Variants in SORCS2 observed in about 807,000 individuals in gnomAD.
SORCS2 encodes VPS10 domain-containing receptor SorCS2.
Under a neutral mutation model 141.6 loss-of-function variants are expected in SORCS2, and 100 were observed. That is an observed-to-expected ratio of 0.71 (90% CI 0.60 to 0.83). The LOEUF (loss-of-function observed/expected upper bound fraction) is 0.83, where lower values mean the gene tolerates loss of function less well. Ranked by LOEUF, SORCS2 falls within the 40% of genes least tolerant of loss-of-function variation. The pLI is 0.00. For missense variants in SORCS2, 1,646 were observed against 1,560.2 expected, an observed-to-expected ratio of 1.05 and a Z score of -0.93; for synonymous variants, 789 against 676.9, an observed-to-expected ratio of 1.17 and a Z score of -2.57.
chr4:7,415,010 T>G (rs1725567911), intron 2 of SORCS2, among the ~76,000 whole-genome samples: 1 of 152,098 alleles, frequency 6.6e-6, no homozygotes, highest in Non-Finnish European at 1.5e-5. Context: ...GAGAGTCTTA[T>G]TTACATGAGA....
chr4:7,468,631 A>G (rs76671532), intron 2 of SORCS2, among the ~76,000 whole-genome samples: 3,569 of 152,304 alleles, frequency 0.023, 68 homozygotes, highest in Non-Finnish European at 0.031. Flanking sequence ...GTGCAACAGC[A>G]AGGCCTGGCA....
rs547206085 is a variant in SORCS2 at position 7,357,533 on chromosome 4, C to T, written c.481-38755C>T. ...GGAGGCGTTGATTACGCACTTCACGCGGAAATAATTGCTAATCTTCAACAG... is the reference window on the plus strand; with the variant it reads ...GGAGGCGTTGATTACGCACTTCACGTGGAAATAATTGCTAATCTTCAACAG... On this transcript the variant is annotated intron_variant, in intron 1 of 26. Transcript: ENST00000507866. 4.6e-5 allele frequency among the ~76,000 whole-genome samples: 7 copies of T among 152,292 alleles called. No homozygotes were observed. The South Asian group carries it at 6.2e-4, about 14-fold the overall frequency.
At chr4:7,626,124 G>A (rs1239000775) in intron 3 of SORCS2, among the ~76,000 whole-genome samples, 1 of 152,024 alleles carries the variant, frequency 6.6e-6, no homozygotes. Flanking sequence ...TCCAGCCTGG[G>A]TGACAGGGCA....
At chr4:7,660,859 A>G (rs1722117390) in intron 5 of SORCS2, among the ~76,000 whole-genome samples, 1 of 152,258 alleles carries the variant, frequency 6.6e-6, no homozygotes, top group Admixed American at 6.5e-5. Context: ...ATTCAGGCAA[A>G]TCCCTGGAGG....
At chr4:7,335,859 C>T (rs1182745038) in intron 1 of SORCS2, among the ~76,000 whole-genome samples, 1 of 152,142 alleles carries the variant, frequency 6.6e-6, no homozygotes, top group Non-Finnish European at 1.5e-5. Flanking sequence ...AGTGCGGGTG[C>T]GGGGGTGAGG....
chr4:7,448,338 T>A lies in SORCS2; in HGVS notation c.548+51983T>A, dbSNP rs142957020. Among the ~76,000 whole-genome samples, 409 of 152,084 alleles carry A rather than the reference T, an allele frequency of 2.7e-3. 5 individuals carry two copies. Among genetic ancestry groups the A allele is most frequent in the African/African-American group, 9.5e-3 (394 of 41,446 alleles). ...TGCGCCGGCCAGGCACAGAGAGAGA[T>A]GCTGGACTCTAGGTTCCTGTAGTCC... On this transcript the variant is annotated intron_variant, in intron 2 of 26. Coordinates refer to ENST00000507866, the MANE Select transcript of SORCS2 (RefSeq NM_020777.3).
intron 2 of SORCS2, among the ~76,000 whole-genome samples, chr4:7,521,143 C>T (rs1365945335): frequency 6.6e-6 from 1 of 152,068 alleles, no homozygotes. Context: ...GTGAGGTTCC[C>T]TTCACTCTGT....
rs1013884866 is a variant in SORCS2 at position 7,662,046 on chromosome 4, G to A, written c.952+482G>A. Among the ~76,000 whole-genome samples, 12 of 152,230 alleles carry A rather than the reference G, an allele frequency of 7.9e-5. No homozygotes were observed. The South Asian group carries it at 2.3e-3, about 29-fold the overall frequency. On this transcript the variant is annotated intron_variant, in intron 6 of 26. Transcript: ENST00000507866. ...GTGTCCCCATTAAAACAGAAATGCC[G>A]GCATCAGCTCCCAGCCCTGCCGCTG...
At chr4:7,734,465 C>A (rs1711993805) in intron 25 of SORCS2, 91 bp downstream of exon 25, 1 of 886,620 alleles carries the variant, frequency 1.1e-6, no homozygotes. Context: ...CTAGAAAGGG[C>A]CCCAGCAGGG....
intron 18 of SORCS2, among the ~76,000 whole-genome samples, chr4:7,718,728 G>T (rs1381352961): frequency 6.6e-6 from 1 of 152,078 alleles, no homozygotes; most frequent in Non-Finnish European, 1.5e-5. Flanking sequence ...TTTTGCTTTA[G>T]AACAAGTGTT....
chr4:7,295,260 C>A (rs1333929434), intron 1 of SORCS2, among the ~76,000 whole-genome samples: 1 of 141,230 alleles, frequency 7.1e-6, no homozygotes, highest in Non-Finnish European at 1.5e-5. Context: ...ATTATGGCCG[C>A]CCACACAATG....
At chr4:7,384,332 G>A (rs566374608) in intron 1 of SORCS2, among the ~76,000 whole-genome samples, 1 of 152,202 alleles carries the variant, frequency 6.6e-6, no homozygotes, top group Admixed American at 6.5e-5. Flanking sequence ...CTCAGCATGC[G>A]GCTCAGGACA....
rs143275859 is a variant in SORCS2 at position 7,250,961 on chromosome 4, G to C, written c.480+57835G>C. ...CCACCAGAGGCAACGAGGAATTCTG[G>C]TGAGGACGCTGGAGTGGGCATTAGG... On this transcript the variant is annotated intron_variant, in intron 1 of 26. Coordinates refer to ENST00000507866, the MANE Select transcript of SORCS2 (RefSeq NM_020777.3). 4.5e-3 allele frequency among the ~76,000 whole-genome samples: 686 copies of C among 152,378 alleles called. 7 individuals are homozygous for C. Among genetic ancestry groups the C allele is most frequent in the Non-Finnish European group, 7.1e-3 (482 of 68,036 alleles).
intron 1 of SORCS2, among the ~76,000 whole-genome samples, chr4:7,276,043 CG>C (rs1208810333): frequency 6.6e-6 from 1 of 152,268 alleles, no homozygotes; most frequent in East Asian, 1.9e-4. Context: ...TAATGCGTAA[CG>C]GGGGCAGTTT....
At chr4:7,313,474 C>T (rs755898719) in intron 1 of SORCS2, among the ~76,000 whole-genome samples, 14 of 151,986 alleles carry the variant, frequency 9.2e-5, no homozygotes, top group Non-Finnish European at 1.9e-4. Flanking sequence ...GGAGGAGGAG[C>T]GGACATGCTG....
chr4:7,556,232 C>T (rs1280811259), intron 3 of SORCS2, among the ~76,000 whole-genome samples: 1 of 152,142 alleles, frequency 6.6e-6, no homozygotes, highest in Non-Finnish European at 1.5e-5. Flanking sequence ...TTCCCGTCCT[C>T]CTTCCTGAAG....
Position 7,227,787 on chromosome 4 carries a change from G to A in SORCS2, c.480+34661G>A, listed in dbSNP as rs35395013. Among the ~76,000 whole-genome samples the A allele has an allele frequency of 8.5e-3, 1,294 of 152,304 alleles. 16 individuals carry two copies. Among genetic ancestry groups the A allele is most frequent in the African/African-American group, 0.029 (1,212 of 41,556 alleles). On this transcript the variant is annotated intron_variant, in intron 1 of 26. Coordinates refer to ENST00000507866, the MANE Select transcript of SORCS2 (RefSeq NM_020777.3). The stretch of plus-strand genomic sequence containing the variant: ...GGGTCCTCAGGCAGAGCGGCTAAAC[G>A]CAGTTTTGTGGCTGTGGTGCCTGCT...
intron 1 of SORCS2, among the ~76,000 whole-genome samples, chr4:7,198,476 A>G (rs1727296219): frequency 6.6e-6 from 1 of 152,110 alleles, no homozygotes; most frequent in African/African-American, 2.4e-5. Flanking sequence ...CTAGGCCCAC[A>G]TGGTGTGGGC....
At chr4:7,373,391 T>C (rs1007315430) in intron 1 of SORCS2, among the ~76,000 whole-genome samples, 2 of 148,252 alleles carry the variant, frequency 1.3e-5, no homozygotes, top group Non-Finnish European at 3.0e-5. Flanking sequence ...GTAAAGCAAA[T>C]ATTCAAATTT....
Sources: gnomAD v4.1 joint callset for allele counts (sites outside exome capture counted in the v4.1 genomes callset) on GRCh38, gnomAD v4.1.1 for gene constraint, MANE v1.5 for transcripts, NCBI Gene and HGNC (gene_info 2026-07-23, HGNC 2026-07-21) for gene names.